Variants in ROR2 observed in about 807,000 individuals in gnomAD.
ROR2 encodes ROR family WNT receptor 2.
Under a neutral mutation model 74.9 loss-of-function variants are expected in ROR2, and 33 were observed. The observed-to-expected ratio is 0.44, with a 90% CI of 0.33 to 0.59. The LOEUF is 0.59. Among genes scored for constraint, ROR2 ranks in the 20% least tolerant of loss-of-function variants. The pLI is 0.02. For synonymous variants in ROR2, 586 were observed against 558.7 expected (o/e 1.05, Z -0.69); for missense variants, 1,216 against 1,313.8 (o/e 0.93, Z 1.15).
At chr9:91,798,562 A>G (rs371642497) in intron 1 of ROR2, among the ~76,000 whole-genome samples, 4,630 of 82,650 alleles carry the variant, frequency 0.056, 105 homozygotes, top group East Asian at 0.18. Context: ...CTGTGGGTGC[A>G]GCTGACGCCC....
Position 91,733,147 on chromosome 9 carries a change from G to T in ROR2, c.912C>A (p.Gly304=). ...AGCGGCCCAGCCTCTCGGCTGGGAT[G>T]CCAATGCGCATGCAGTTGGCAGCGT... ...SPDAANCMRI[G]IPAERLGRYH... The change falls in exon 6 of 9, where the codon GGC becomes GGA. Residue 304 remains glycine (G), a synonymous_variant. Transcript: ENST00000375708. This position sits in a 1 kb window ranked among gnomAD's most constrained non-coding sequence, Gnocchi z 5.7. 1 of 1,600,796 alleles carries T rather than the reference G, an allele frequency of 6.2e-7. No individual in the cohort carries two copies.
At chr9:91,742,318 C>A (rs1308350477) in intron 4 of ROR2, among the ~76,000 whole-genome samples, 1 of 152,156 alleles carries the variant, frequency 6.6e-6, no homozygotes, top group Non-Finnish European at 1.5e-5. Flanking sequence ...ATTACCTCCC[C>A]CTGGATCCCT....
intron 1 of ROR2, among the ~76,000 whole-genome samples, chr9:91,935,615 A>G (rs1831662577): frequency 6.6e-6 from 1 of 152,218 alleles, no homozygotes; most frequent in Non-Finnish European, 1.5e-5. Context: ...TGTAAGAGAA[A>G]CAAAGGCCCT....
Position 91,738,090 on chromosome 9 carries a change from T to C in ROR2, c.495-572A>G, listed in dbSNP as rs149252681. Among the ~76,000 whole-genome samples, 443 of 152,290 alleles carry C rather than the reference T, an allele frequency of 2.9e-3. 4 individuals are homozygous for C. Among genetic ancestry groups the C allele is most frequent in the African/African-American group, 0.01 (426 of 41,556 alleles). On this transcript the variant is annotated intron_variant, in intron 4 of 8. Coordinates refer to ENST00000375708, the MANE Select transcript of ROR2 (RefSeq NM_004560.4). ...CTGTAATGGTGAGCACACGTCACTA[T>C]ACATTGGGCAAAACCCATAGAAGGT...
At chr9:91,756,518 A>T (rs4631528) in intron 3 of ROR2, among the ~76,000 whole-genome samples, 41,829 of 151,456 alleles carry the variant, frequency 0.28, 7,644 homozygotes, top group African/African-American at 0.53. Context: ...GAGCACAGAG[A>T]CTCAGAATCT....
chr9:91,737,622 T>C, intron 4 of ROR2, 104 bp from the exon 5 acceptor site: 5 of 1,486,722 alleles, frequency 3.4e-6, no homozygotes, highest in Non-Finnish European at 4.6e-6. Flanking sequence ...ATTTTGTTAC[T>C]TGGTATTTAT....
rs1836893801 is a variant in ROR2, at chr9:91,723,943, C to A, written c.2551G>T (p.Val851Leu). ...GGCTTGGGGACCATCTGAGGAGGCA[C>A]CTGCTGCGGGGCCATCTGCATTGGG... The part of the protein sequence containing the change: ...QIPMQMAPQQ[V>L]PPQMVPKPSS... The change falls in exon 9 of 9, where the codon GTG becomes TTG. Residue 851 changes from valine to leucine, a missense_variant. Physicochemically the swap from Val to Leu is conservative, Grantham distance 32. Coordinates refer to ENST00000375708, the MANE Select transcript of ROR2 (RefSeq NM_004560.4). 1 of 1,613,534 alleles carries A rather than the reference C, an allele frequency of 6.2e-7. No homozygotes were observed. The highest frequency in any genetic ancestry group is 1.1e-5 in the South Asian group (1 of 91,088).
At chr9:91,766,832 C>T (rs1162114878) in intron 2 of ROR2, among the ~76,000 whole-genome samples, 1 of 152,172 alleles carries the variant, frequency 6.6e-6, no homozygotes, top group East Asian at 1.9e-4. Context: ...CACTCCATAG[C>T]GTTACACAGA....
chr9:91,842,091 T>C (rs1223312553), intron 1 of ROR2, among the ~76,000 whole-genome samples: 1 of 151,694 alleles, frequency 6.6e-6, no homozygotes, highest in African/African-American at 2.4e-5. Context: ...TGCAGACCCA[T>C]GCCTGCAAAG....
intron 4 of ROR2, among the ~76,000 whole-genome samples, chr9:91,748,988 T>C (rs1445912973): frequency 6.6e-6 from 1 of 152,196 alleles, no homozygotes; most frequent in East Asian, 1.9e-4. Context: ...ACCGTGCCAC[T>C]GCACTGCAGC....
intron 1 of ROR2, among the ~76,000 whole-genome samples, chr9:91,863,409 G>A (rs1399762722): frequency 6.6e-6 from 1 of 152,088 alleles, no homozygotes; most frequent in East Asian, 1.9e-4. Context: ...AACATTCACA[G>A]GAGCATTATT....
intron 1 of ROR2, among the ~76,000 whole-genome samples, chr9:91,845,778 C>T (rs1302053211): frequency 6.8e-6 from 1 of 146,186 alleles, no homozygotes; most frequent in East Asian, 2.1e-4. Flanking sequence ...GCTACTCAGC[C>T]GACACAGGAG....
chr9:91,767,512 T>C (rs935174300), intron 2 of ROR2, among the ~76,000 whole-genome samples: 4 of 152,318 alleles, frequency 2.6e-5, no homozygotes, highest in Admixed American at 6.5e-5. Flanking sequence ...TTAGAGATCA[T>C]GAGGTCATGG....
At chr9:91,874,889 C>T (rs534389425) in intron 1 of ROR2, among the ~76,000 whole-genome samples, 82 of 151,398 alleles carry the variant, frequency 5.4e-4, no homozygotes, top group South Asian at 2.5e-3. Flanking sequence ...GAGCTGAGAT[C>T]GCCATTGCAC....
rs1408700870 is a variant in ROR2 at position 91,864,164 on chromosome 9, CCT to C, written c.97+85701_97+85702del. Among the ~76,000 whole-genome samples, 6 of 152,328 alleles carry C rather than the reference CCT, an allele frequency of 3.9e-5. No individual in the cohort carries two copies. In the East Asian group the frequency reaches 1.2e-3, roughly 29 times the overall value. ...GACTAATTTCCTTTTCCACTGCACA[CCT>C]CTGTGTTCCCCGAATTCAAATTCGA... is the stretch of plus-strand genomic sequence containing the variant. On this transcript the variant is annotated intron_variant, in intron 1 of 8. Transcript: ENST00000375708.
rs1311913004 is a variant in ROR2 at position 91,775,807 on chromosome 9, C to A, written c.109G>T (p.Val37Phe). The change falls in exon 2 of 9, where the codon GTT (valine) becomes TTT (phenylalanine). Residue 37 changes from valine to phenylalanine, a missense_variant. Val to Phe is a conservative substitution (Grantham distance 50). Transcript: ENST00000375708. ...CCTAAAGGGTCGTTCGGATCCAGAA[C>A]CTCCACTTCACCTGGGAAAAAGAAA... ...SVSRTSGEVE[V>F]LDPNDPLGPL... 1 of 1,614,150 alleles carries A rather than the reference C, an allele frequency of 6.2e-7. No individual in the cohort carries two copies. Among genetic ancestry groups the A allele is most frequent in the South Asian group, 1.1e-5 (1 of 91,086 alleles).
chr9:91,845,592 C>T (rs968699227), intron 1 of ROR2, among the ~76,000 whole-genome samples: 3 of 152,042 alleles, frequency 2.0e-5, no homozygotes, highest in African/African-American at 7.2e-5. Context: ...TATAATAACA[C>T]ACACCCAGGC....
intron 1 of ROR2, among the ~76,000 whole-genome samples, chr9:91,873,198 G>A (rs968418269): frequency 3.7e-5 from 5 of 135,860 alleles, no homozygotes; most frequent in Admixed American, 8.5e-5. Flanking sequence ...ACTGTACATC[G>A]ACTCATCTAC....
chr9:91,895,800 C>T (rs920470319), intron 1 of ROR2, among the ~76,000 whole-genome samples: 4 of 152,142 alleles, frequency 2.6e-5, no homozygotes, highest in Admixed American at 6.5e-5. Context: ...GCCGAGATCG[C>T]GCCACTGCAC....
Sources: allele counts gnomAD v4.1 joint callset (sites outside exome capture counted in the v4.1 genomes callset), GRCh38; gene constraint gnomAD v4.1.1; non-coding constraint Gnocchi (gnomAD v3.1); transcripts MANE v1.5; gene names NCBI Gene and HGNC (gene_info 2026-07-23, HGNC 2026-07-21).